Variants in ZNF536 observed in about 807,000 individuals in gnomAD.
ZNF536 encodes zinc finger protein 536.
ZNF536 carries 13 observed loss-of-function variants against 84.5 expected under a neutral mutation model. The ratio of observed to expected loss-of-function variants is 0.15; its 90% CI spans 0.10 to 0.24. ZNF536 has a LOEUF of 0.24. Ranked by LOEUF, ZNF536 falls within the 10% of genes least tolerant of loss-of-function variation. ZNF536 has a pLI of 1.00. For synonymous variants in ZNF536, 811 were observed against 742.5 expected (o/e 1.09, Z -1.50); for missense variants, 1,536 against 1,747.5 (o/e 0.88, Z 2.16).
chr19:30,237,523 C>A (rs1032848011), intron 1 of ZNF536, among the ~76,000 whole-genome samples: 1 of 152,122 alleles, frequency 6.6e-6, no homozygotes, highest in East Asian at 1.9e-4. Flanking sequence ...CAAAGGTAGG[C>A]GAGTGGAATT....
At chr19:30,319,426 A>G (rs1331511617) in intron 2 of ZNF536, among the ~76,000 whole-genome samples, 2 of 152,114 alleles carry the variant, frequency 1.3e-5, no homozygotes, top group African/African-American at 2.4e-5. Context: ...AAACATCAGC[A>G]TTTTATAGAT....
intron 1 of ZNF536, among the ~76,000 whole-genome samples, chr19:30,642,593 G>A (rs922450251): frequency 3.3e-5 from 5 of 152,290 alleles, no homozygotes; most frequent in East Asian, 1.9e-4. Flanking sequence ...GCTGAGCCTC[G>A]GGCTGTCATT....
intron 1 of ZNF536, among the ~76,000 whole-genome samples, chr19:30,600,032 G>A (rs1273771017): frequency 2.2e-5 from 3 of 136,104 alleles, no homozygotes; most frequent in Non-Finnish European, 4.6e-5. Context: ...ACTCTCAAAT[G>A]CTCCTAGCTG....
At chr19:30,287,665 G>A (rs1006664677) in intron 2 of ZNF536, among the ~76,000 whole-genome samples, 2 of 91,062 alleles carry the variant, frequency 2.2e-5, no homozygotes, top group Non-Finnish European at 3.7e-5. Flanking sequence ...TGGATGGATG[G>A]GTGGGTGGAT....
intron 2 of ZNF536, among the ~76,000 whole-genome samples, chr19:30,285,734 C>A (rs56051375): frequency 4.1e-4 from 63 of 152,042 alleles, no homozygotes; most frequent in South Asian, 1.7e-3. Context: ...GACTGGATAG[C>A]GATTGGTTGC....
chr19:30,476,799 A>G (rs2053865076), intron 2 of ZNF536, among the ~76,000 whole-genome samples: 1 of 151,860 alleles, frequency 6.6e-6, no homozygotes, highest in African/African-American at 2.4e-5. Context: ...TCCCCATGTG[A>G]TTTGCGAACT....
chr19:30,688,103 G>A (rs1253206532), intron 1 of ZNF536, among the ~76,000 whole-genome samples: 5 of 151,688 alleles, frequency 3.3e-5, no homozygotes, highest in Admixed American at 2.6e-4. Context: ...CAGAAAACAC[G>A]GAGATTAGAG....
At chr19:30,433,596 C>T (rs1194805907) in intron 1 of ZNF536, among the ~76,000 whole-genome samples, 2 of 152,216 alleles carry the variant, frequency 1.3e-5, no homozygotes, top group Non-Finnish European at 2.9e-5. Context: ...CTCCTAGGTT[C>T]AAGCGATTCT....
At chr19:30,352,581 G>A (rs913222806) in intron 3 of ZNF536, 5 of 151,958 alleles carry the variant, frequency 3.3e-5, no homozygotes, top group African/African-American at 1.2e-4. Flanking sequence ...AAACCAAATA[G>A]CTCCTCTGTC....
chr19:30,415,282 C>CT (rs1238880807), intron 1 of ZNF536, among the ~76,000 whole-genome samples: 44 of 106,064 alleles, frequency 4.1e-4, no homozygotes, highest in African/African-American at 1.4e-3. Context: ...GCTCCTCCTC[C>CT]TCCTTCTTCT....
chr19:30,561,349 G>C (rs1010752144), downstream of ZNF536, among the ~76,000 whole-genome samples: 2 of 152,178 alleles, frequency 1.3e-5, no homozygotes, highest in Admixed American at 6.5e-5. Flanking sequence ...TGGTTTTGCT[G>C]AGGTGCACAG....
chr19:30,509,457 TATA>T (rs554619555), intron 2 of ZNF536, among the ~76,000 whole-genome samples: 401 of 148,210 alleles, frequency 2.7e-3, no homozygotes, highest in African/African-American at 9.5e-3. Context: ...ATAATTTATA[TATA>T]ATATCTGTAT....
At chr19:30,390,827 C>A (rs578244226) in intron 1 of ZNF536, among the ~76,000 whole-genome samples, 124 of 152,272 alleles carry the variant, frequency 8.1e-4, no homozygotes, top group Non-Finnish European at 1.4e-3. Flanking sequence ...TTACACTCAG[C>A]CCCCGTTGGC....
chr19:30,479,873 G>A (rs1223979754), intron 2 of ZNF536, among the ~76,000 whole-genome samples: 3 of 152,034 alleles, frequency 2.0e-5, no homozygotes, highest in African/African-American at 7.2e-5. Flanking sequence ...TTTTATCTCC[G>A]TGGAAATCAA....
intron 1 of ZNF536, among the ~76,000 whole-genome samples, chr19:30,676,513 T>C (rs2050758017): frequency 6.6e-6 from 1 of 152,242 alleles, no homozygotes; most frequent in Admixed American, 6.5e-5. Context: ...ATGCAGTTAA[T>C]AAGTGAAGGT....
chr19:30,301,367 G>A (rs889301029), intron 2 of ZNF536, among the ~76,000 whole-genome samples: 5 of 152,196 alleles, frequency 3.3e-5, no homozygotes, highest in Non-Finnish European at 5.9e-5. Flanking sequence ...GGGTAGCGGC[G>A]ATGCGGACGC....
intron 3 of ZNF536, among the ~76,000 whole-genome samples, chr19:30,359,708 T>G (rs781523061): frequency 1.2e-4 from 19 of 152,174 alleles, no homozygotes; most frequent in Non-Finnish European, 2.6e-4. Context: ...CCACACCACT[T>G]GGGTAAGGGC....
At chr19:30,589,620 G>A (rs528076953) in intron 1 of ZNF536, among the ~76,000 whole-genome samples, 13 of 152,266 alleles carry the variant, frequency 8.5e-5, no homozygotes, top group Admixed American at 2.6e-4. Flanking sequence ...AATGAAGCAA[G>A]GACAAAAAGC....
chr19:30,326,678 A>C (rs1306186058), intron 2 of ZNF536, among the ~76,000 whole-genome samples: 1 of 150,026 alleles, frequency 6.7e-6, no homozygotes, highest in Non-Finnish European at 1.5e-5. Flanking sequence ...TGCGGGAGGC[A>C]CGAATGTGCC....
Sources: gnomAD v4.1 joint callset for allele counts (sites outside exome capture counted in the v4.1 genomes callset) on GRCh38, gnomAD v4.1.1 for gene constraint, MANE v1.5 for transcripts, NCBI Gene and HGNC (gene_info 2026-07-23, HGNC 2026-07-21) for gene names.